MAD1L1: variants seen among roughly 807,000 people sequenced by gnomAD.
The protein encoded by MAD1L1 is mitotic arrest deficient 1 like 1.
In MAD1L1, 95 loss-of-function variants were observed where a neutral mutation model predicts 96.9. The observed-to-expected ratio is 0.98, with a 90% CI of 0.83 to 1.16. MAD1L1 has a LOEUF of 1.16. Among genes scored for constraint, MAD1L1 ranks in the 50% most tolerant of loss-of-function variants. The pLI is 0.00. For missense variants in MAD1L1, 1,007 were observed against 954.4 expected, an observed-to-expected ratio of 1.06 and a Z score of -0.73; for synonymous variants, 473 against 396.6, an observed-to-expected ratio of 1.19 and a Z score of -2.29.
At chr7:1,998,661 T>A (rs984281228) in intron 14 of MAD1L1, among the ~76,000 whole-genome samples, 1 of 152,118 alleles carries the variant, frequency 6.6e-6, no homozygotes, top group Non-Finnish European at 1.5e-5. Flanking sequence ...GCTCAGTCAC[T>A]GAGAAGGAAG....
At chr7:2,174,391 A>G (rs1011733529) in intron 10 of MAD1L1, among the ~76,000 whole-genome samples, 2 of 152,152 alleles carry the variant, frequency 1.3e-5, no homozygotes, top group Non-Finnish European at 2.9e-5. Context: ...GGGTCCAGCA[A>G]CATGCCATGG....
intron 11 of MAD1L1, among the ~76,000 whole-genome samples, chr7:2,131,093 C>A (rs986277656): frequency 1.3e-5 from 2 of 152,172 alleles, no homozygotes; most frequent in Non-Finnish European, 2.9e-5. Flanking sequence ...TAGATTCGGA[C>A]GCTTTGGAGT....
intron 16 of MAD1L1, among the ~76,000 whole-genome samples, chr7:1,952,984 C>G (rs775298929): frequency 1.3e-5 from 2 of 152,176 alleles, no homozygotes; most frequent in Non-Finnish European, 2.9e-5. Context: ...TGGGCATGGA[C>G]GCCAGCACAA....
intron 11 of MAD1L1, among the ~76,000 whole-genome samples, chr7:2,120,328 T>C (rs940759979): frequency 1.1e-4 from 16 of 152,172 alleles, no homozygotes; most frequent in African/African-American, 3.9e-4. Context: ...CCGCCACCAC[T>C]TCCTCCCAGC....
At chr7:2,170,259 C>T (rs1790648843) in intron 10 of MAD1L1, among the ~76,000 whole-genome samples, 1 of 152,212 alleles carries the variant, frequency 6.6e-6, no homozygotes, top group East Asian at 1.9e-4. Context: ...AGCACACGTG[C>T]ACATAAAGCC....
At chr7:2,134,242 T>G (rs2128570285) in intron 11 of MAD1L1, among the ~76,000 whole-genome samples, 1 of 152,296 alleles carries the variant, frequency 6.6e-6, no homozygotes, top group East Asian at 1.9e-4. Context: ...GTCTACACTG[T>G]TTTTTGGTGC....
rs1374416806 is a variant in MAD1L1 at position 2,213,202 on chromosome 7, C to T, written c.986+10G>A. The T allele has an allele frequency of 6.2e-7, 1 of 1,614,126 alleles. No individual in the cohort carries two copies. The highest frequency in any genetic ancestry group is 1.1e-5 in the South Asian group (1 of 91,092). On this transcript the variant is annotated intron_variant, in intron 10 of 18. Transcript: ENST00000265854. ...AAGGCGGGACCCCGGAGACACCTGC[C>T]CTTCCCTACCTGATGCTCAGGCCCA...
At chr7:2,218,108 G>C in intron 6 of MAD1L1, 65 bp from the exon 7 acceptor site, 1 of 1,246,014 alleles carries the variant, frequency 8.0e-7, no homozygotes. Context: ...ATTCTCCTCA[G>C]CCTGAGACCC....
chr7:1,842,317 C>A (rs1012870840), intron 18 of MAD1L1, among the ~76,000 whole-genome samples: 3 of 152,172 alleles, frequency 2.0e-5, no homozygotes, highest in African/African-American at 7.2e-5. Flanking sequence ...CCGCAGCCCC[C>A]GTGGCCCTGT....
At chr7:2,062,254 C>A (rs1454890184) in intron 12 of MAD1L1, among the ~76,000 whole-genome samples, 1 of 73,926 alleles carries the variant, frequency 1.4e-5, no homozygotes, top group Admixed American at 2.1e-4. Flanking sequence ...AAAACAGCAA[C>A]GACAAAAAAA....
At chr7:2,218,714 C>T (rs555000288) in intron 6 of MAD1L1, among the ~76,000 whole-genome samples, 23 of 151,756 alleles carry the variant, frequency 1.5e-4, no homozygotes, top group Non-Finnish European at 2.9e-4. Flanking sequence ...CAAGACCAGC[C>T]TGGGTTACAA....
At chr7:1,878,551 A>C (rs1170469513) in intron 18 of MAD1L1, among the ~76,000 whole-genome samples, 1 of 148,286 alleles carries the variant, frequency 6.7e-6, no homozygotes, top group Non-Finnish European at 1.5e-5. Flanking sequence ...AATTAAGTTC[A>C]TATGAACATC....
Position 2,014,580 on chromosome 7 carries a change from G to A in MAD1L1, c.1281C>T (p.Tyr427=), listed in dbSNP as rs1212156406. The A allele has an allele frequency of 2.5e-6, 4 of 1,612,382 alleles. No homozygotes were observed. The Admixed American group carries it at 6.7e-5, about 27-fold the overall frequency. The part of the protein sequence containing the change: ...SYDSELTPAE[Y]SPQLTRRMRE... ...GCATGCGCCGCGTCAGCTGGGGTGA[G>A]TACTCGGCCGGGGTCAGCTCGCTGT... The change falls in exon 13 of 19, where the codon TAC becomes TAT. Residue 427 remains tyrosine, a synonymous_variant. Transcript: ENST00000265854.
chr7:1,884,848 C>CG (rs1335363678), intron 18 of MAD1L1, among the ~76,000 whole-genome samples: 3 of 152,162 alleles, frequency 2.0e-5, no homozygotes. Flanking sequence ...CAGACGCAGG[C>CG]GGGGCAGGCC....
intron 18 of MAD1L1, among the ~76,000 whole-genome samples, chr7:1,863,207 C>A (rs550216797): frequency 6.6e-6 from 1 of 152,270 alleles, no homozygotes; most frequent in Non-Finnish European, 1.5e-5. Context: ...CTTCGGCCTC[C>A]GAAGACGGGG....
chr7:1,926,717 G>T (rs1789111374), intron 17 of MAD1L1, among the ~76,000 whole-genome samples: 1 of 152,170 alleles, frequency 6.6e-6, no homozygotes, highest in Non-Finnish European at 1.5e-5. Flanking sequence ...AACTAAGAAT[G>T]GAAAGAGCGT....
rs1020532660 is a variant in MAD1L1 at position 2,142,036 on chromosome 7, C to T, written c.1073+7116G>A. Among the ~76,000 whole-genome samples, 2 of 152,222 alleles carry T rather than the reference C, an allele frequency of 1.3e-5. No homozygotes were observed. The highest frequency in any genetic ancestry group is 4.8e-5 in the African/African-American group (2 of 41,452). ...TGCTCCCCTGTCACCTTGAGCAGCG[C>T]ACTCTGGGGCACCTGACTCACTGAG... On this transcript the variant is annotated intron_variant, in intron 11 of 18. Coordinates refer to ENST00000265854, the MANE Select transcript of MAD1L1 (RefSeq NM_001013836.2). The surrounding 1 kb of genome is among the most constrained non-coding windows in gnomAD (Gnocchi z 4.7).
intron 11 of MAD1L1, among the ~76,000 whole-genome samples, chr7:2,145,366 G>A (rs1244997717): frequency 2.0e-5 from 3 of 152,204 alleles, no homozygotes; most frequent in African/African-American, 7.2e-5. Flanking sequence ...GAAGCTTCTT[G>A]CCTCTACCAA....
chr7:1,959,534 G>C (rs955313895), intron 15 of MAD1L1, among the ~76,000 whole-genome samples: 4 of 152,164 alleles, frequency 2.6e-5, no homozygotes, highest in Admixed American at 1.3e-4. Context: ...ATCAGGACAA[G>C]CCTGCTCAGG....
Sources: allele counts gnomAD v4.1 joint callset (sites outside exome capture counted in the v4.1 genomes callset), GRCh38; gene constraint gnomAD v4.1.1; non-coding constraint Gnocchi (gnomAD v3.1); transcripts MANE v1.5; gene names NCBI Gene and HGNC (gene_info 2026-07-23, HGNC 2026-07-21).